Variants in ZFPM2 observed in about 807,000 individuals in gnomAD.
ZFPM2 encodes the protein zinc finger protein ZFPM2.
A neutral mutation model predicts 98.6 loss-of-function variants in ZFPM2; 20 were observed. That is an observed-to-expected ratio of 0.20 (90% CI 0.14 to 0.29). The LOEUF is 0.29. Among genes scored for constraint, ZFPM2 ranks in the 10% least tolerant of loss-of-function variants. The pLI, the probability that ZFPM2 is intolerant of heterozygous loss-of-function variation, is 1.00. For missense variants in ZFPM2, 1,310 were observed against 1,388.6 expected (o/e 0.94, Z 0.90); for synonymous variants, 518 against 502.7 (o/e 1.03, Z -0.41).
intron 1 of ZFPM2, among the ~76,000 whole-genome samples, chr8:105,372,420 A>G (rs1162017897): frequency 6.6e-6 from 1 of 152,212 alleles, no homozygotes; most frequent in Non-Finnish European, 1.5e-5. Flanking sequence ...AGCAAAGGGT[A>G]TGTGCATGTT....
intron 3 of ZFPM2, among the ~76,000 whole-genome samples, chr8:105,552,931 T>G (rs945467409): frequency 1.3e-5 from 2 of 149,766 alleles, no homozygotes; most frequent in Middle Eastern, 3.4e-3. Flanking sequence ...CACCTTAGCC[T>G]CCTGAGTAGC....
At chr8:105,551,941 A>G (rs1814863150) in intron 3 of ZFPM2, among the ~76,000 whole-genome samples, 2 of 89,972 alleles carry the variant, frequency 2.2e-5, no homozygotes, top group Admixed American at 2.0e-4. Context: ...ATCAGCAATG[A>G]CTTGTGATAA....
chr8:105,539,679 C>T (rs1016754985), intron 3 of ZFPM2, among the ~76,000 whole-genome samples: 7 of 152,094 alleles, frequency 4.6e-5, no homozygotes, highest in Non-Finnish European at 7.4e-5. Flanking sequence ...TTATTATATA[C>T]CTCTTTTTAT....
Position 105,596,427 on chromosome 8 carries a change from A to G in ZFPM2, c.420+34946A>G, listed in dbSNP as rs180766244. 2.6e-5 allele frequency among the ~76,000 whole-genome samples: 4 copies of G among 152,200 alleles called. No individual in the cohort carries two copies. In the East Asian group the frequency reaches 7.7e-4, roughly 29 times the overall value. On this transcript the variant is annotated intron_variant, in intron 4 of 7. Transcript: ENST00000407775. ...AATGAAAGTTACATATTTCTCCACC[A>G]CCATCCTAGTTTTTACCCTGGTTGC... is the stretch of plus-strand genomic sequence containing the variant.
intron 3 of ZFPM2, among the ~76,000 whole-genome samples, chr8:105,489,582 G>C (rs1409422809): frequency 1.3e-5 from 2 of 150,286 alleles, no homozygotes; most frequent in African/African-American, 2.5e-5. Context: ...TCCTGCCTCA[G>C]CCTCCCCAGT....
chr8:105,625,647 C>T (rs575888853), intron 4 of ZFPM2, among the ~76,000 whole-genome samples: 14 of 151,136 alleles, frequency 9.3e-5, no homozygotes, highest in African/African-American at 3.2e-4. Context: ...GTGGTGCGAT[C>T]TCGGCTCACT....
intron 1 of ZFPM2, among the ~76,000 whole-genome samples, chr8:105,326,423 A>G (rs908583316): frequency 1.3e-5 from 2 of 151,754 alleles, no homozygotes; most frequent in African/African-American, 4.8e-5. Flanking sequence ...GGCACTAAAT[A>G]CACTTAAATG....
At chr8:105,554,474 T>C (rs556384358) in intron 3 of ZFPM2, among the ~76,000 whole-genome samples, 2 of 152,168 alleles carry the variant, frequency 1.3e-5, no homozygotes, top group Non-Finnish European at 2.9e-5. Flanking sequence ...TCAGCATGAC[T>C]TCGGGGCTGT....
intron 3 of ZFPM2, among the ~76,000 whole-genome samples, chr8:105,536,408 C>A (rs186246643): frequency 1.8e-3 from 279 of 151,114 alleles, no homozygotes; most frequent in African/African-American, 6.0e-3. Context: ...CCCTCTTGTC[C>A]CCTTTCTATT....
In ZFPM2 at chr8:105,612,740, C is replaced by A. The variant is rs76962505; in HGVS notation, c.421-21506C>A. On this transcript the variant is annotated intron_variant, in intron 4 of 7. Coordinates refer to ENST00000407775, the MANE Select transcript of ZFPM2 (RefSeq NM_012082.4). ...TCTGTGAACTTTTCTGTCTCCCTTGCTCTCTCTTTCTACAGGGTCACTACA... is the reference window on the plus strand; with the variant it reads ...TCTGTGAACTTTTCTGTCTCCCTTGATCTCTCTTTCTACAGGGTCACTACA... Among the ~76,000 whole-genome samples the A allele has an allele frequency of 1.4e-3, 211 of 152,294 alleles. 4 individuals carry two copies. The East Asian group carries it at 0.026, about 19-fold the overall frequency.
intron 2 of ZFPM2, among the ~76,000 whole-genome samples, chr8:105,437,639 C>A (rs1812151389): frequency 1.3e-5 from 2 of 152,202 alleles, no homozygotes; most frequent in Non-Finnish European, 2.9e-5. Context: ...CCTCATTGAA[C>A]TATCTAGTTT....
chr8:105,649,550 G>A (rs1272355194), intron 5 of ZFPM2, among the ~76,000 whole-genome samples: 4 of 152,124 alleles, frequency 2.6e-5, no homozygotes, highest in Non-Finnish European at 4.4e-5. Context: ...TTTGAGATAC[G>A]TCCCATCAAT....
chr8:105,574,352 GT>G (rs929512511), intron 4 of ZFPM2, among the ~76,000 whole-genome samples: 10 of 152,216 alleles, frequency 6.6e-5, no homozygotes, highest in African/African-American at 2.4e-4. Context: ...AGGTTAAGTG[GT>G]CAAACTGCCT....
chr8:105,780,841 T>C (rs539956153), intron 5 of ZFPM2, among the ~76,000 whole-genome samples: 1 of 152,298 alleles, frequency 6.6e-6, no homozygotes, highest in South Asian at 2.1e-4. Context: ...GATCGTGCCA[T>C]TGCACTCTAG....
At chr8:105,592,613 A>G (rs56389017) in intron 4 of ZFPM2, among the ~76,000 whole-genome samples, 15,394 of 152,130 alleles carry the variant, frequency 0.1, 1,020 homozygotes, top group Middle Eastern at 0.21. Flanking sequence ...GCACACACAT[A>G]TATTAATATA....
chr8:105,700,674 C>T (rs931917228), intron 5 of ZFPM2, among the ~76,000 whole-genome samples: 1 of 152,150 alleles, frequency 6.6e-6, no homozygotes, highest in Non-Finnish European at 1.5e-5. Context: ...CCACTCACTG[C>T]AGCCTCCACC....
At chr8:105,512,597 C>G (rs1293667386) in intron 3 of ZFPM2, among the ~76,000 whole-genome samples, 4 of 152,072 alleles carry the variant, frequency 2.6e-5, no homozygotes, top group Non-Finnish European at 4.4e-5. Context: ...AATGGGTGGA[C>G]TCCAGAAGTT....
At chr8:105,487,752 TA>T (rs759766072) in intron 3 of ZFPM2, among the ~76,000 whole-genome samples, 33 of 152,172 alleles carry the variant, frequency 2.2e-4, no homozygotes, top group Non-Finnish European at 4.3e-4. Flanking sequence ...AGGAGATTAT[TA>T]CCATCATCAT....
At chr8:105,508,379 C>T (rs568136771) in intron 3 of ZFPM2, among the ~76,000 whole-genome samples, 5 of 152,112 alleles carry the variant, frequency 3.3e-5, no homozygotes, top group African/African-American at 1.2e-4. Context: ...CCAACCTCCT[C>T]AGTTTATCAG....
Sources: allele counts gnomAD v4.1 joint callset (sites outside exome capture counted in the v4.1 genomes callset), GRCh38; gene constraint gnomAD v4.1.1; transcripts MANE v1.5; gene names NCBI Gene and HGNC (gene_info 2026-07-23, HGNC 2026-07-21).